The following NTN1 variants were observed in gnomAD, a reference collection of about 807,000 sequenced individuals.
The protein encoded by NTN1 is netrin-1.
In NTN1, 11 loss-of-function variants were observed where a neutral mutation model predicts 54.2. The ratio of observed to expected loss-of-function variants is 0.20; its 90% CI spans 0.13 to 0.34. NTN1 has a LOEUF of 0.34. Among genes scored for constraint, NTN1 ranks in the 10% least tolerant of loss-of-function variants. NTN1 has a pLI of 1.00. For missense variants in NTN1, 740 were observed against 893.1 expected, an observed-to-expected ratio of 0.83 and a Z score of 2.18; for synonymous variants, 371 against 382.0, an observed-to-expected ratio of 0.97 and a Z score of 0.33.
intron 2 of NTN1, among the ~76,000 whole-genome samples, chr17:9,105,660 TTCTCTCTC>T (rs72039051): frequency 7.0e-6 from 1 of 142,000 alleles, no homozygotes; most frequent in Non-Finnish European, 1.6e-5. Context: ...CTCTCTCTCT[TTCTCTCTC>T]TCTCTCTCTC....
At chr17:9,095,775 G>A (rs2092129714) in intron 2 of NTN1, among the ~76,000 whole-genome samples, 2 of 151,866 alleles carry the variant, frequency 1.3e-5, no homozygotes, top group African/African-American at 4.8e-5. Context: ...TGGAGGGAAT[G>A]AGAATCTTTA....
Position 9,119,603 on chromosome 17 carries a change from ATCC to A in NTN1, c.1019-43205_1019-43203del, listed in dbSNP as rs1450725608. On this transcript the variant is annotated intron_variant, in intron 2 of 6. Transcript: ENST00000173229. ...AGCCTCAAACTCCTGGGCGTAAATGATCCTCCTGCTTCAGCCTCTCAAGTAGTT... is the reference window on the plus strand; with the variant it reads ...AGCCTCAAACTCCTGGGCGTAAATGATCCTGCTTCAGCCTCTCAAGTAGTT... 2.2e-5 allele frequency among the ~76,000 whole-genome samples: 3 copies of A among 133,976 alleles called. No homozygotes were observed. The East Asian group carries it at 5.8e-4, about 26-fold the overall frequency. 87.9% of individuals were successfully genotyped at this position (133,976 alleles called of 152,430 possible).
chr17:9,009,073 A>G, the NTN1 span, among the ~76,000 whole-genome samples: 46 of 152,154 alleles, frequency 3.0e-4, no homozygotes, highest in Non-Finnish European at 1.6e-4. Flanking sequence ...AAACAAAACA[A>G]AAAAAGCTCT....
intron 5 of NTN1, among the ~76,000 whole-genome samples, chr17:9,185,750 C>A (rs1364857828): frequency 1.3e-5 from 2 of 152,294 alleles, no homozygotes; most frequent in East Asian, 3.9e-4. Flanking sequence ...GCCTTCTCTC[C>A]CTGTACCACC....
intron 2 of NTN1, among the ~76,000 whole-genome samples, chr17:9,050,661 T>C (rs1597469916): frequency 1.0e-5 from 1 of 99,024 alleles, no homozygotes; most frequent in Admixed American, 1.5e-4. Flanking sequence ...AGAGCGAGAC[T>C]CCATCTCAAA....
chr17:9,114,148 AAAAAG>A (rs199550043), intron 2 of NTN1, among the ~76,000 whole-genome samples: 18,966 of 83,128 alleles, frequency 0.23, 2,254 homozygotes, highest in East Asian at 0.47. Flanking sequence ...GGTGCCAAAA[AAAAAG>A]AAAAAAAAAA....
chr17:9,110,998 G>A (rs1473076698), intron 2 of NTN1, among the ~76,000 whole-genome samples: 5 of 146,342 alleles, frequency 3.4e-5, no homozygotes, highest in South Asian at 2.2e-4. Context: ...GCTGTGGCGC[G>A]ATCTCGGCTT....
chr17:9,015,263 T>C, the NTN1 span, among the ~76,000 whole-genome samples: 2 of 152,052 alleles, frequency 1.3e-5, no homozygotes, highest in African/African-American at 4.8e-5. Flanking sequence ...ATATAAATAT[T>C]AGATGGGTGT....
chr17:9,049,755 C>T (rs1013766666), intron 2 of NTN1, among the ~76,000 whole-genome samples: 8 of 152,028 alleles, frequency 5.3e-5, no homozygotes, highest in Non-Finnish European at 8.8e-5. Context: ...AAGACATGTG[C>T]GGGACAGTTG....
chr17:9,210,177 C>T (rs1427141660), intron 5 of NTN1, among the ~76,000 whole-genome samples: 2 of 152,136 alleles, frequency 1.3e-5, no homozygotes, highest in Non-Finnish European at 2.9e-5. Flanking sequence ...CTGAACCATG[C>T]CGAGCTGGGT....
At chr17:9,139,488 G>T (rs1272393848) in intron 2 of NTN1, among the ~76,000 whole-genome samples, 1 of 152,172 alleles carries the variant, frequency 6.6e-6, no homozygotes, top group Non-Finnish European at 1.5e-5. Context: ...ACAGGCTTCA[G>T]TTCCAAGAGA....
chr17:9,166,656 T>C (rs773817146), intron 3 of NTN1, among the ~76,000 whole-genome samples: 3 of 152,206 alleles, frequency 2.0e-5, no homozygotes, highest in Non-Finnish European at 4.4e-5. Context: ...AGGCCCCATC[T>C]TTTGAGAATG....
At chr17:9,127,437 G>A (rs1330029265) in intron 2 of NTN1, among the ~76,000 whole-genome samples, 1 of 152,196 alleles carries the variant, frequency 6.6e-6, no homozygotes, top group Non-Finnish European at 1.5e-5. Context: ...CCACTCATTA[G>A]AGGACACAGG....
At chr17:9,033,554 T>C (rs2091894028) in intron 2 of NTN1, among the ~76,000 whole-genome samples, 1 of 152,162 alleles carries the variant, frequency 6.6e-6, no homozygotes, top group African/African-American at 2.4e-5. Context: ...GGAGGATTGC[T>C]TGAGCCTGGG....
intron 2 of NTN1, among the ~76,000 whole-genome samples, chr17:9,099,167 G>A (rs778065875): frequency 3.3e-5 from 5 of 152,258 alleles, no homozygotes; most frequent in Admixed American, 6.5e-5. Flanking sequence ...ACTTTGGGAG[G>A]CTGAGGCGGG....
intron 2 of NTN1, among the ~76,000 whole-genome samples, chr17:9,159,574 G>T (rs1156480136): frequency 6.6e-6 from 1 of 152,076 alleles, no homozygotes; most frequent in Non-Finnish European, 1.5e-5. Flanking sequence ...GACCGAGGTG[G>T]GTGGATCACG....
chr17:9,066,250 C>T (rs976220354), intron 2 of NTN1, among the ~76,000 whole-genome samples: 4 of 147,302 alleles, frequency 2.7e-5, no homozygotes, highest in Admixed American at 2.7e-4. Context: ...AGCAGGACTT[C>T]GTCTCCAAAA....
chr17:9,036,374 G>A (rs917410806), intron 2 of NTN1, among the ~76,000 whole-genome samples: 5 of 140,148 alleles, frequency 3.6e-5, no homozygotes, highest in Admixed American at 7.9e-5. Flanking sequence ...GGGCCAAGTC[G>A]TCTCTTATCT....
At chr17:9,158,217 A>G (rs1252656825) in intron 2 of NTN1, among the ~76,000 whole-genome samples, 1 of 142,234 alleles carries the variant, frequency 7.0e-6, no homozygotes, top group Non-Finnish European at 1.6e-5. Flanking sequence ...CTTTTGTGTG[A>G]CCAGTTGTTT....
Sources: allele counts gnomAD v4.1 joint callset (sites outside exome capture counted in the v4.1 genomes callset), GRCh38; gene constraint gnomAD v4.1.1; transcripts MANE v1.5; gene names NCBI Gene and HGNC (gene_info 2026-07-23, HGNC 2026-07-21).